The following STON1 variants were observed in gnomAD, a reference collection of about 807,000 sequenced individuals.
STON1 encodes stonin 1.
In STON1, 79 loss-of-function variants were observed where a neutral mutation model predicts 60.9. The ratio of observed to expected loss-of-function variants is 1.30; its 90% CI spans 1.08 to 1.56. The LOEUF is 1.56. Among genes scored for constraint, STON1 ranks in the 40% most tolerant of loss-of-function variants. The pLI is 0.00. For synonymous variants in STON1, 363 were observed against 306.9 expected, an observed-to-expected ratio of 1.18 and a Z score of -1.91; for missense variants, 1,166 against 858.9, an observed-to-expected ratio of 1.36 and a Z score of -4.47.
chr2:48,559,441 C>T (rs538615371), intron 1 of STON1, among the ~76,000 whole-genome samples: 1 of 152,104 alleles, frequency 6.6e-6, no homozygotes, highest in East Asian at 1.9e-4. Flanking sequence ...CTCTCTGGGG[C>T]CTCTTTGATA....
At chr2:48,551,979 T>G (rs1440018621) in intron 1 of STON1, among the ~76,000 whole-genome samples, 2 of 152,164 alleles carry the variant, frequency 1.3e-5, no homozygotes, top group African/African-American at 4.8e-5. Flanking sequence ...GTCCTGTGTT[T>G]TGGGTGGACT....
chr2:48,580,735 C>G lies in STON1; in HGVS notation c.102C>G (p.Val34=). 1 of 1,535,950 alleles carries G rather than the reference C, an allele frequency of 6.5e-7. No individual in the cohort carries two copies. Among genetic ancestry groups the G allele is most frequent in the Non-Finnish European group, 8.8e-7 (1 of 1,142,104 alleles). Residue 34 remains valine (V), a synonymous_variant, in exon 2 of 4, where the codon GTC becomes GTG. Transcript: ENST00000404752. The part of the protein sequence containing the change: ...SKNFPLENQG[V]CRPNGLKLNL... ...ATTTTCCTCTGGAGAATCAAGGTGTCTGTAGACCAAATGGACTGAAGCTGA... is the reference window on the plus strand; with the variant it reads ...ATTTTCCTCTGGAGAATCAAGGTGTGTGTAGACCAAATGGACTGAAGCTGA...
chr2:48,564,503 TC>T (rs1672806710), intron 1 of STON1, among the ~76,000 whole-genome samples: 3 of 24,924 alleles, frequency 1.2e-4, no homozygotes, highest in Non-Finnish European at 2.3e-4. Context: ...TTCTTCTTCT[TC>T]TTCTTCTTCT....
chr2:48,574,656 C>T (rs1011351300), intron 1 of STON1, among the ~76,000 whole-genome samples: 12 of 152,094 alleles, frequency 7.9e-5, no homozygotes, highest in South Asian at 2.1e-4. Context: ...TTTTGATAAA[C>T]GAGATTGTGA....
At chr2:48,530,322 C>T (rs1405903766) in intron 1 of STON1, 106 bp downstream of exon 1, 2 of 325,384 alleles carry the variant, frequency 6.1e-6, no homozygotes, top group Non-Finnish European at 1.2e-5. Context: ...CCCCGGGACG[C>T]GGGCATCTCC....
At chr2:48,536,670 C>A (rs1468037276) in intron 1 of STON1, among the ~76,000 whole-genome samples, 1 of 151,460 alleles carries the variant, frequency 6.6e-6, no homozygotes, top group Non-Finnish European at 1.5e-5. Flanking sequence ...TGGATTTGAC[C>A]AATTTATATA....
chr2:48,537,093 T>C lies in STON1; in HGVS notation c.-48+6877T>C, dbSNP rs115640619. On this transcript the variant is annotated intron_variant, in intron 1 of 3. Transcript: ENST00000404752. Reference sequence around the variant, plus strand: ...AATTTATCTTTTCCATTTCTGTGACTCCTACATCTTTTTCTTACCATACTG... The same window carrying C: ...AATTTATCTTTTCCATTTCTGTGACCCCTACATCTTTTTCTTACCATACTG... Among the ~76,000 whole-genome samples the C allele has an allele frequency of 3.0e-3, 450 of 152,320 alleles. 3 individuals carry two copies. Among genetic ancestry groups the C allele is most frequent in the Non-Finnish European group, 5.4e-3 (368 of 68,040 alleles).
intron 1 of STON1, among the ~76,000 whole-genome samples, chr2:48,544,358 C>A (rs1671777936): frequency 6.6e-6 from 1 of 152,154 alleles, no homozygotes; most frequent in Non-Finnish European, 1.5e-5. Flanking sequence ...TCAGGAGTTT[C>A]ATGAGAAATT....
intron 1 of STON1, among the ~76,000 whole-genome samples, chr2:48,538,039 C>T (rs541310079): frequency 4.6e-5 from 7 of 151,338 alleles, no homozygotes; most frequent in African/African-American, 1.7e-4. Flanking sequence ...CTGCAACCTC[C>T]GACTCCCGGG....
intron 1 of STON1, among the ~76,000 whole-genome samples, chr2:48,578,351 C>T (rs1336854941): frequency 6.6e-6 from 1 of 152,232 alleles, no homozygotes; most frequent in Non-Finnish European, 1.5e-5. Flanking sequence ...CCACAGGCTA[C>T]ATGTAGTCCA....
At chr2:48,573,707 C>T (rs553854595) in intron 1 of STON1, among the ~76,000 whole-genome samples, 27 of 152,226 alleles carry the variant, frequency 1.8e-4, no homozygotes, top group South Asian at 1.7e-3. Flanking sequence ...AAGGATCACA[C>T]GAAACTTATA....
chr2:48,596,713 C>A lies in STON1; in HGVS notation c.*1411C>A, dbSNP rs1331817788. The A allele has an allele frequency of 6.6e-6, 1 of 151,926 alleles. No individual in the cohort carries two copies. 9.4% of individuals were successfully genotyped at this position (151,926 alleles called of 1,614,324 possible). The stretch of plus-strand genomic sequence containing the variant: ...AATATTATATTACATTCATTGAAAT[C>A]TGTTCAAAAACAGATTAAGACAAAC... On this transcript the variant is annotated 3_prime_UTR_variant, in exon 4 of 4. Coordinates refer to ENST00000404752, the MANE Select transcript of STON1 (RefSeq NM_006873.4).
rs367944944 is a variant in STON1, at chr2:48,585,729, A to G, written c.1930+3166A>G. On this transcript the variant is annotated intron_variant, in intron 2 of 3. Transcript: ENST00000404752. ...AGAGTATTAGCTTTTGTTTTGCTCA[A>G]CAAAAAGGGAAAGAGAGGCAGGCAG... is the stretch of plus-strand genomic sequence containing the variant. 7.9e-5 allele frequency among the ~76,000 whole-genome samples: 12 copies of G among 152,348 alleles called. No individual in the cohort carries two copies. In the East Asian group the frequency reaches 2.1e-3, roughly 27 times the overall value.
At chr2:48,564,505 T>TTCTTCTTCC (rs1672807710) in intron 1 of STON1, among the ~76,000 whole-genome samples, 1 of 25,582 alleles carries the variant, frequency 3.9e-5, no homozygotes, top group African/African-American at 1.8e-4. Flanking sequence ...CTTCTTCTTC[T>TTCTTCTTCC]TCTTCTTCTT....
chr2:48,572,436 T>G (rs1235791530), intron 1 of STON1, among the ~76,000 whole-genome samples: 4 of 151,968 alleles, frequency 2.6e-5, no homozygotes, highest in African/African-American at 9.7e-5. Flanking sequence ...GGGGTAGGAG[T>G]GCACTTTGCA....
intron 1 of STON1, among the ~76,000 whole-genome samples, chr2:48,540,306 A>G (rs1160349403): frequency 1.3e-5 from 2 of 152,106 alleles, no homozygotes; most frequent in African/African-American, 4.8e-5. Context: ...TTGTTGTTAT[A>G]ATACTGGGTG....
intron 1 of STON1, among the ~76,000 whole-genome samples, chr2:48,551,050 T>A (rs959906837): frequency 6.6e-6 from 1 of 152,110 alleles, no homozygotes; most frequent in South Asian, 2.1e-4. Flanking sequence ...TTTCAACTTT[T>A]AGATCATTTT....
At chr2:48,575,106 C>T (rs994744746) in intron 1 of STON1, among the ~76,000 whole-genome samples, 3 of 152,194 alleles carry the variant, frequency 2.0e-5, no homozygotes, top group Non-Finnish European at 4.4e-5. Flanking sequence ...TAAGAGGAGT[C>T]ATGTAGGATT....
chr2:48,562,843 A>C (rs894446202), intron 1 of STON1, among the ~76,000 whole-genome samples: 6 of 152,196 alleles, frequency 3.9e-5, no homozygotes, highest in Non-Finnish European at 7.3e-5. Context: ...GAGCCCCAGC[A>C]CTGTGTCCAG....
Sources: allele counts gnomAD v4.1 joint callset (sites outside exome capture counted in the v4.1 genomes callset), GRCh38; gene constraint gnomAD v4.1.1; transcripts MANE v1.5; gene names NCBI Gene and HGNC (gene_info 2026-07-23, HGNC 2026-07-21).